ZDHHC18: variants seen among roughly 807,000 people sequenced by gnomAD.
The protein encoded by ZDHHC18 is palmitoyltransferase ZDHHC18.
A neutral mutation model predicts 37.5 loss-of-function variants in ZDHHC18; 23 were observed. That is an observed-to-expected ratio of 0.61 (90% CI 0.44 to 0.87). ZDHHC18 has a LOEUF of 0.87. ZDHHC18 is among the 40% of genes least tolerant of loss of function. The pLI is 0.00. For synonymous variants in ZDHHC18, 185 were observed against 218.7 expected (o/e 0.85, Z 1.36); for missense variants, 406 against 525.6 (o/e 0.77, Z 2.22).
chr1:26,830,633 A>G lies in ZDHHC18; in HGVS notation c.336-1814A>G, dbSNP rs570759260. ...AGTAAGCCTTCAAAAGATGGTAGCT[A>G]TTTTTCTGTCCCCTGGCAGCAGTTA... On this transcript the variant is annotated intron_variant, in intron 1 of 7. Coordinates refer to ENST00000374142, the MANE Select transcript of ZDHHC18 (RefSeq NM_032283.3). 2.6e-5 allele frequency among the ~76,000 whole-genome samples: 4 copies of G among 152,116 alleles called. No individual in the cohort carries two copies. The South Asian group carries it at 8.3e-4, about 32-fold the overall frequency.
intron 2 of ZDHHC18, among the ~76,000 whole-genome samples, chr1:26,840,174 C>G (rs1485918540): frequency 6.6e-6 from 1 of 152,198 alleles, no homozygotes; most frequent in Non-Finnish European, 1.5e-5. Context: ...TGAGGAAGAC[C>G]TGTGGGATTC....
chr1:26,835,307 C>T (rs1473018811), intron 2 of ZDHHC18, among the ~76,000 whole-genome samples: 2 of 152,226 alleles, frequency 1.3e-5, no homozygotes, highest in African/African-American at 4.8e-5. Flanking sequence ...CGAACAGGTG[C>T]AAAGTGCAAA....
chr1:26,849,192 GA>G (rs962386017), intron 3 of ZDHHC18, among the ~76,000 whole-genome samples: 9 of 152,236 alleles, frequency 5.9e-5, no homozygotes, highest in African/African-American at 1.9e-4. Context: ...AGTTGAGAGG[GA>G]AAAGCATCTA....
At position 26,853,952 on chromosome 1, in the gene ZDHHC18, T is replaced by G; in HGVS notation, c.*109T>G. 4.1e-6 allele frequency: 4 copies of G among 981,470 alleles called. No individual in the cohort carries two copies. The highest frequency in any genetic ancestry group is 6.2e-6 in the Non-Finnish European group (4 of 640,086). 60.8% of individuals were successfully genotyped at this position (981,470 alleles called of 1,614,324 possible). On this transcript the variant is annotated 3_prime_UTR_variant, in exon 8 of 8. Transcript: ENST00000374142. ...AGCAGAACTGCCAAAGACTCAAGTC[T>G]TTTCATATTTATTTCCCATCCTGCG...
At position 26,854,984 on chromosome 1, in the gene ZDHHC18, C is replaced by T. The variant is rs144835502; in HGVS notation, c.*1141C>T. 32 of 152,414 alleles carry T rather than the reference C, an allele frequency of 2.1e-4. No homozygotes were observed. The highest frequency in any genetic ancestry group is 6.7e-4 in the African/African-American group (28 of 41,580). The allele number at this position is 152,414 out of a possible 1,614,324, so 9.4% of individuals were successfully genotyped here. A position where few individuals can be genotyped will look rare whatever the true frequency, so the allele number is the denominator to read the frequency against. On this transcript the variant is annotated 3_prime_UTR_variant, in exon 8 of 8. Transcript: ENST00000374142. The surrounding 1 kb of genome is among the most constrained non-coding windows in gnomAD (Gnocchi z 4.6). ...GGACAGGGGGCACGTGCACTGGTCA[C>T]GAGAAAACCCTGGGCTCCCACTGGG...
intron 5 of ZDHHC18, 39 bp from the exon 6 acceptor site, chr1:26,851,090 C>T (rs879173938): frequency 1.9e-6 from 3 of 1,569,176 alleles, no homozygotes; most frequent in Non-Finnish European, 2.6e-6. Context: ...CTGGGAGGCT[C>T]CCCACCCTCC....
chr1:26,833,023 G>A (rs1205865781), intron 2 of ZDHHC18, among the ~76,000 whole-genome samples: 1 of 152,222 alleles, frequency 6.6e-6, no homozygotes, highest in Non-Finnish European at 1.5e-5. Flanking sequence ...TGAGACCTCA[G>A]TCTAGAGCAC....
intron 2 of ZDHHC18, among the ~76,000 whole-genome samples, chr1:26,847,071 A>G (rs1206882143): frequency 2.6e-5 from 4 of 151,388 alleles, no homozygotes; most frequent in African/African-American, 9.7e-5. Context: ...AATTTTTTGT[A>G]TTTTTAGTAG....
At chr1:26,827,258 C>T (rs904573260) in intron 1 of ZDHHC18, 119 bp downstream of exon 1, 27 of 845,126 alleles carry the variant, frequency 3.2e-5, no homozygotes, top group Non-Finnish European at 4.1e-5. Flanking sequence ...CCTCCCCGCC[C>T]CTTTGGGATC....
At chr1:26,853,364 G>A (rs2081716842) in intron 7 of ZDHHC18, among the ~76,000 whole-genome samples, 1 of 152,176 alleles carries the variant, frequency 6.6e-6, no homozygotes, top group Non-Finnish European at 1.5e-5. Flanking sequence ...ACCCCACCCA[G>A]TATCCCTGTC....
intron 6 of ZDHHC18, among the ~76,000 whole-genome samples, chr1:26,851,581 T>C (rs2081704604): frequency 6.6e-6 from 1 of 152,252 alleles, no homozygotes; most frequent in Non-Finnish European, 1.5e-5. Flanking sequence ...TTGGGTCCTT[T>C]TGCCAAGCCT....
intron 2 of ZDHHC18, among the ~76,000 whole-genome samples, chr1:26,844,847 G>T (rs2081655530): frequency 6.6e-6 from 1 of 151,122 alleles, no homozygotes; most frequent in Non-Finnish European, 1.5e-5. Flanking sequence ...GCCTACTTAA[G>T]TCTTTTGTCC....
At chr1:26,842,879 A>G (rs1045815711) in intron 2 of ZDHHC18, among the ~76,000 whole-genome samples, 1 of 152,258 alleles carries the variant, frequency 6.6e-6, no homozygotes, top group African/African-American at 2.4e-5. Context: ...AACTGGAGAC[A>G]TTATCTGGCA....
chr1:26,831,798 A>G (rs1435372041), intron 1 of ZDHHC18, among the ~76,000 whole-genome samples: 2 of 152,278 alleles, frequency 1.3e-5, no homozygotes, highest in South Asian at 2.1e-4. Context: ...TGGCTGGACC[A>G]TGCAGTTCCC....
intron 2 of ZDHHC18, among the ~76,000 whole-genome samples, chr1:26,838,027 G>A (rs1187695137): frequency 6.8e-6 from 1 of 147,884 alleles, no homozygotes; most frequent in African/African-American, 2.5e-5. Flanking sequence ...ACAGGGTTTT[G>A]CTCTTGTTGC....
At chr1:26,832,405 C>A in intron 1 of ZDHHC18, 42 bp from the exon 2 acceptor site, 2 of 1,610,764 alleles carry the variant, frequency 1.2e-6, no homozygotes, top group Non-Finnish European at 1.7e-6. Flanking sequence ...CCGCAGGGAG[C>A]CCTTGGGGTG....
intron 2 of ZDHHC18, among the ~76,000 whole-genome samples, chr1:26,845,423 C>T (rs2081659076): frequency 6.8e-6 from 1 of 146,116 alleles, no homozygotes; most frequent in Non-Finnish European, 1.5e-5. Context: ...ACCCCCACCT[C>T]CCTGGTTCAA....
chr1:26,832,836 C>T (rs762722551), intron 2 of ZDHHC18, among the ~76,000 whole-genome samples: 2 of 152,222 alleles, frequency 1.3e-5, no homozygotes, highest in Admixed American at 6.5e-5. Flanking sequence ...TGGCAGCCAG[C>T]GTGGAGCTGA....
At chr1:26,829,865 G>A (rs1457147430) in intron 1 of ZDHHC18, among the ~76,000 whole-genome samples, 2 of 152,200 alleles carry the variant, frequency 1.3e-5, no homozygotes, top group Non-Finnish European at 2.9e-5. Context: ...AAATCAGGAG[G>A]CTAGGACTTG....
Sources: gnomAD v4.1 joint callset for allele counts (sites outside exome capture counted in the v4.1 genomes callset) on GRCh38, gnomAD v4.1.1 for gene constraint, Gnocchi (gnomAD v3.1) non-coding constraint, MANE v1.5 for transcripts, NCBI Gene and HGNC (gene_info 2026-07-23, HGNC 2026-07-21) for gene names.